Variants in TFDP2 observed in about 807,000 individuals in gnomAD.
TFDP2 encodes the protein transcription factor Dp-2 (E2F dimerization partner 2).
In TFDP2, 17 loss-of-function variants were observed where a neutral mutation model predicts 59.3. That is an observed-to-expected ratio of 0.29 (90% CI 0.20 to 0.43). TFDP2 has a LOEUF of 0.43. Among genes scored for constraint, TFDP2 ranks in the 20% least tolerant of loss-of-function variants. TFDP2 has a pLI of 1.00. For synonymous variants in TFDP2, 180 were observed against 194.7 expected, an observed-to-expected ratio of 0.92 and a Z score of 0.63; for missense variants, 391 against 528.8, an observed-to-expected ratio of 0.74 and a Z score of 2.56.
chr3:142,032,811 A>T (rs1243013836), intron 3 of TFDP2, among the ~76,000 whole-genome samples: 2 of 152,244 alleles, frequency 1.3e-5, no homozygotes, highest in African/African-American at 4.8e-5. Context: ...ACAAAACAAA[A>T]TGAGAAATAT....
At chr3:141,970,278 T>A in intron 8 of TFDP2, 137 bp from the exon 9 acceptor site, 1 of 738,830 alleles carries the variant, frequency 1.4e-6, no homozygotes, top group South Asian at 1.7e-5. Context: ...TAAAGACAAA[T>A]CATATCTTTG....
intron 1 of TFDP2, among the ~76,000 whole-genome samples, chr3:142,148,841 G>A (rs2063275302): frequency 1.3e-5 from 2 of 152,246 alleles, no homozygotes; most frequent in South Asian, 2.1e-4. Flanking sequence ...CATGAAAGGA[G>A]AAGGGAAAAA....
intron 3 of TFDP2, among the ~76,000 whole-genome samples, chr3:142,014,677 A>G (rs1252470853): frequency 2.0e-5 from 3 of 152,108 alleles, no homozygotes; most frequent in Non-Finnish European, 4.4e-5. Context: ...AAATACAGGT[A>G]GTTCATCTTC....
At chr3:141,965,556 G>T (rs1220182432) in intron 9 of TFDP2, among the ~76,000 whole-genome samples, 1 of 145,574 alleles carries the variant, frequency 6.9e-6, no homozygotes, top group Non-Finnish European at 1.5e-5. Context: ...GAAGGGGAAG[G>T]GGGAGGGGAA....
intron 3 of TFDP2, among the ~76,000 whole-genome samples, chr3:142,027,653 A>G (rs1008743192): frequency 2.6e-4 from 39 of 152,246 alleles, no homozygotes; most frequent in African/African-American, 8.7e-4. Context: ...ATGCTATTAT[A>G]TATCAAAAAA....
intron 3 of TFDP2, among the ~76,000 whole-genome samples, chr3:142,040,870 C>T (rs1946928574): frequency 1.3e-5 from 2 of 152,122 alleles, no homozygotes; most frequent in Non-Finnish European, 2.9e-5. Context: ...TAACACTACA[C>T]TGCAGCCTGG....
intron 3 of TFDP2, among the ~76,000 whole-genome samples, chr3:142,015,142 G>C (rs1020480461): frequency 6.6e-6 from 1 of 152,130 alleles, no homozygotes; most frequent in Non-Finnish European, 1.5e-5. Context: ...CTCAGCCTTA[G>C]TTGTTGGCTC....
chr3:142,118,730 A>C (rs1016025953), intron 1 of TFDP2, among the ~76,000 whole-genome samples: 23 of 152,202 alleles, frequency 1.5e-4, no homozygotes, highest in African/African-American at 5.5e-4. Flanking sequence ...AGAGCAAGAA[A>C]ATAATGAAGA....
intron 3 of TFDP2, among the ~76,000 whole-genome samples, chr3:142,084,090 C>T (rs745700731): frequency 2.0e-5 from 3 of 152,048 alleles, no homozygotes; most frequent in Non-Finnish European, 1.5e-5. Context: ...AGAAAACATC[C>T]GCAAACTACC....
intron 3 of TFDP2, among the ~76,000 whole-genome samples, chr3:142,081,708 C>T (rs1246705046): frequency 6.6e-6 from 1 of 152,074 alleles, no homozygotes; most frequent in Non-Finnish European, 1.5e-5. Context: ...CTACTATATG[C>T]CAATAAATTG....
intron 3 of TFDP2, among the ~76,000 whole-genome samples, chr3:142,064,481 G>T (rs2060012732): frequency 6.6e-6 from 1 of 152,118 alleles, no homozygotes; most frequent in Non-Finnish European, 1.5e-5. Flanking sequence ...TTATTAATCA[G>T]GGAGTAGAAA....
At chr3:142,030,138 AT>A (rs927053508) in intron 3 of TFDP2, among the ~76,000 whole-genome samples, 15 of 152,190 alleles carry the variant, frequency 9.9e-5, no homozygotes, top group Non-Finnish European at 1.9e-4. Flanking sequence ...CTTACTCAAA[AT>A]TTTCCTTTGC....
chr3:142,074,956 C>T (rs1225398251), intron 3 of TFDP2, among the ~76,000 whole-genome samples: 1 of 152,014 alleles, frequency 6.6e-6, no homozygotes, highest in Non-Finnish European at 1.5e-5. Context: ...GTGCCAAGAC[C>T]ATTTAATGAG....
At position 142,012,180 on chromosome 3, in the gene TFDP2, TTTTTTGTA is replaced by T. The variant is rs374516031; in HGVS notation, c.83-6644_83-6637del. Reference sequence around the variant, plus strand: ...GGTGCCCACCACCACACCCGGCTAATTTTTTGTATTTTTAGTAGAGACGGGGTTTCACT... The same window carrying T: ...GGTGCCCACCACCACACCCGGCTAATTTTTTAGTAGAGACGGGGTTTCACT... On this transcript the variant is annotated intron_variant, in intron 3 of 12. Transcript: ENST00000489671. Among the ~76,000 whole-genome samples the T allele has an allele frequency of 1.3e-3, 205 of 151,986 alleles. 6 individuals are homozygous for T. In the South Asian group the frequency reaches 0.041, roughly 31 times the overall value.
chr3:142,135,766 G>A (rs1242661809), intron 1 of TFDP2, among the ~76,000 whole-genome samples: 1 of 152,066 alleles, frequency 6.6e-6, no homozygotes, highest in Non-Finnish European at 1.5e-5. Flanking sequence ...AGTATTCCAT[G>A]GGGTATATGT....
Position 141,990,493 on chromosome 3 carries a change from C to G in TFDP2, c.356+3045G>C, listed in dbSNP as rs141360803. Among the ~76,000 whole-genome samples, 203 of 152,162 alleles carry G rather than the reference C, an allele frequency of 1.3e-3. 2 individuals carry two copies. Among genetic ancestry groups the G allele is most frequent in the African/African-American group, 4.7e-3 (195 of 41,542 alleles). ...TTCACCATAAAAAACCTCAGCCTCT[C>G]AAAGTGCTGAGATTACAGGTGTGAG... On this transcript the variant is annotated intron_variant, in intron 6 of 12. Coordinates refer to ENST00000489671, the MANE Select transcript of TFDP2 (RefSeq NM_001178139.2).
chr3:142,110,791 A>G (rs1256333927), intron 1 of TFDP2, among the ~76,000 whole-genome samples: 2 of 151,918 alleles, frequency 1.3e-5, no homozygotes, highest in African/African-American at 4.8e-5. Context: ...ATCTCTCAAA[A>G]AATACAAAAA....
At chr3:141,977,932 G>A (rs545241545) in intron 7 of TFDP2, among the ~76,000 whole-genome samples, 102 of 151,220 alleles carry the variant, frequency 6.7e-4, no homozygotes, top group African/African-American at 2.4e-3. Flanking sequence ...GGATGGTCTC[G>A]ATCTCCTGAC....
chr3:142,061,294 C>CA (rs2059907798), intron 3 of TFDP2, among the ~76,000 whole-genome samples: 1 of 152,058 alleles, frequency 6.6e-6, no homozygotes, highest in Non-Finnish European at 1.5e-5. Context: ...ATTAATCATC[C>CA]AGGAAATACA....
Sources: gnomAD v4.1 joint callset for allele counts (sites outside exome capture counted in the v4.1 genomes callset) on GRCh38, gnomAD v4.1.1 for gene constraint, MANE v1.5 for transcripts, NCBI Gene and HGNC (gene_info 2026-07-23, HGNC 2026-07-21) for gene names.